The following NUP54 variants were observed in gnomAD, a reference collection of about 807,000 sequenced individuals.
The protein encoded by NUP54 is nucleoporin p54.
NUP54 carries 27 observed loss-of-function variants against 66.4 expected under a neutral mutation model. The ratio of observed to expected loss-of-function variants is 0.41; its 90% CI spans 0.30 to 0.56. The LOEUF is 0.56. Ranked by LOEUF, NUP54 falls within the 20% of genes least tolerant of loss-of-function variation. The probability of loss-of-function intolerance (pLI) is 0.34; values close to 1 mark genes in which losing one functional copy is unlikely to be tolerated. For synonymous variants in NUP54, 206 were observed against 210.7 expected (o/e 0.98, Z 0.19); for missense variants, 486 against 596.3 (o/e 0.82, Z 1.93).
rs374383209 is a variant in NUP54 at position 76,124,759 on chromosome 4, G to A, written c.1057-3C>T. The A allele has an allele frequency of 8.3e-6, 5 of 604,214 alleles. No individual in the cohort carries two copies. The highest frequency in any genetic ancestry group is 7.1e-5 in the African/African-American group (3 of 42,538). 37.4% of individuals were successfully genotyped at this position (604,214 alleles called of 1,614,324 possible). A position where few individuals can be genotyped will look rare whatever the true frequency, so the allele number is the denominator to read the frequency against. ...TCACTAATATCTTCAGATATGATCT[G>A]TTTAAAAAAAAATTGGGGGGGGGAG... On this transcript the variant is annotated splice_polypyrimidine_tract_variant and splice_region_variant and intron_variant, in intron 8 of 11. Transcript: ENST00000264883.
chr4:76,116,855 T>G (rs1729973884), intron 11 of NUP54, among the ~76,000 whole-genome samples: 1 of 152,204 alleles, frequency 6.6e-6, no homozygotes, highest in Non-Finnish European at 1.5e-5. Context: ...GAAACTTTAG[T>G]GTCTCTACTA....
At chr4:76,125,794 G>GGA (rs1426789974) in intron 8 of NUP54, among the ~76,000 whole-genome samples, 5 of 36,948 alleles carry the variant, frequency 1.4e-4, no homozygotes, top group Non-Finnish European at 2.1e-4. Context: ...GGGGAGAGAG[G>GGA]GAGAGGGAGA....
intron 11 of NUP54, among the ~76,000 whole-genome samples, chr4:76,115,911 T>G (rs1184647275): frequency 6.6e-6 from 1 of 152,190 alleles, no homozygotes; most frequent in African/African-American, 2.4e-5. Context: ...TGACTACAGA[T>G]GCTAACATTT....
intron 1 of NUP54, 162 bp downstream of exon 1, chr4:76,148,146 C>T: frequency 3.9e-6 from 2 of 517,216 alleles, no homozygotes; most frequent in Non-Finnish European, 3.2e-6. Context: ...TCCTCGGGTG[C>T]CGCCTCGGCC....
chr4:76,125,814 A>G (rs1578674241), intron 8 of NUP54, among the ~76,000 whole-genome samples: 1 of 29,872 alleles, frequency 3.3e-5, no homozygotes, highest in African/African-American at 1.6e-4. Flanking sequence ...AGAGAGGGAG[A>G]AGAGGGAGAA....
At chr4:76,139,487 G>C (rs1408476596) in intron 3 of NUP54, among the ~76,000 whole-genome samples, 1 of 152,144 alleles carries the variant, frequency 6.6e-6, no homozygotes, top group African/African-American at 2.4e-5. Flanking sequence ...CATTTAACAA[G>C]ACAACTGGAA....
intron 3 of NUP54, among the ~76,000 whole-genome samples, chr4:76,140,002 T>C (rs1731196745): frequency 6.6e-6 from 1 of 151,286 alleles, no homozygotes; most frequent in African/African-American, 2.4e-5. Context: ...GGGAGGAGAG[T>C]GGTAGCTGAA....
chr4:76,133,328 C>T (rs1730894889), intron 5 of NUP54, among the ~76,000 whole-genome samples: 2 of 148,932 alleles, frequency 1.3e-5, no homozygotes, highest in South Asian at 2.1e-4. Context: ...TTTTTTGAGA[C>T]GGAGTCTCTC....
At chr4:76,119,515 C>G (rs1174755433) in intron 9 of NUP54, among the ~76,000 whole-genome samples, 2 of 151,166 alleles carry the variant, frequency 1.3e-5, no homozygotes. Flanking sequence ...TACAGGTGCT[C>G]ACCACCATGC....
chr4:76,132,748 T>C, intron 5 of NUP54, 29 bp from the exon 6 acceptor site: 1 of 1,559,026 alleles, frequency 6.4e-7, no homozygotes, highest in Non-Finnish European at 8.8e-7. Flanking sequence ...ATTTATAAAA[T>C]ATGGAGCACA....
rs1260409700 is a variant in NUP54 at position 76,115,377 on chromosome 4, C to T, written c.1513G>A (p.Val505Ile). 6.9e-6 allele frequency: 11 copies of T among 1,595,912 alleles called. No homozygotes were observed. The highest frequency in any genetic ancestry group is 9.4e-6 in the Non-Finnish European group (11 of 1,173,464). Residue 505 changes from valine (V) to isoleucine (I), a missense_variant, in exon 12 of 12, where the codon GTC becomes ATC. By Grantham distance (29) the Val-to-Ile change is conservative. Transcript: ENST00000264883. ...LNETIHIRGG[V>I]FS ...AAGTTTGTGAACTGTCAACTAAAGA[C>T]ACCACCTCTGATGTGGATGGTTTCA...
At chr4:76,119,432 G>A (rs1730127485) in intron 9 of NUP54, among the ~76,000 whole-genome samples, 1 of 151,884 alleles carries the variant, frequency 6.6e-6, no homozygotes, top group Non-Finnish European at 1.5e-5. Context: ...CCAGGCTGGA[G>A]GGCAGCTCAA....
chr4:76,118,677 T>A (rs1168254275), intron 9 of NUP54, among the ~76,000 whole-genome samples: 1 of 151,012 alleles, frequency 6.6e-6, no homozygotes, highest in African/African-American at 2.4e-5. Context: ...TTTACAGGTG[T>A]GAGCCACTTT....
intron 1 of NUP54, chr4:76,147,372 C>A: frequency 1.6e-6 from 1 of 625,468 alleles, no homozygotes; most frequent in East Asian, 7.2e-5. Flanking sequence ...AAATAAATTT[C>A]CTTTCCCTAT....
intron 5 of NUP54, 69 bp from the exon 6 acceptor site, chr4:76,132,788 A>C: frequency 1.3e-4 from 141 of 1,119,816 alleles, no homozygotes; most frequent in Non-Finnish European, 1.7e-4. Context: ...TCAGCATATC[A>C]TAGCATGTGA....
intron 9 of NUP54, among the ~76,000 whole-genome samples, chr4:76,121,597 T>C (rs557579096): frequency 1.9e-4 from 29 of 152,218 alleles, no homozygotes; most frequent in Non-Finnish European, 2.8e-4. Flanking sequence ...TCTGAGTAGC[T>C]GTGACTATAG....
intron 6 of NUP54, 45 bp from the exon 7 acceptor site, chr4:76,131,329 T>G (rs1730793779): frequency 1.7e-6 from 2 of 1,203,504 alleles, no homozygotes; most frequent in African/African-American, 1.6e-5. Flanking sequence ...TTTTCTATTT[T>G]TATAATATGT....
At chr4:76,128,408 A>G (rs1377064982) in intron 8 of NUP54, among the ~76,000 whole-genome samples, 1 of 152,048 alleles carries the variant, frequency 6.6e-6, no homozygotes, top group African/African-American at 2.4e-5. Flanking sequence ...AAAAAAAAAA[A>G]AAGTCCAAAT....
chr4:76,131,303 A>G lies in NUP54; in HGVS notation c.908-19T>C. On this transcript the variant is annotated intron_variant, in intron 6 of 11. Coordinates refer to ENST00000264883, the MANE Select transcript of NUP54 (RefSeq NM_017426.4). The stretch of plus-strand genomic sequence containing the variant: ...TCAACACCTACCACAAATAAAAAAT[A>G]TTTTTTCTAAAACAATTTTCTATTT... 1 of 1,518,142 alleles carries G rather than the reference A, an allele frequency of 6.6e-7. No individual in the cohort carries two copies. The highest frequency in any genetic ancestry group is 9.0e-7 in the Non-Finnish European group (1 of 1,110,400). The allele number at this position is 1,518,142 out of a possible 1,614,324, so 94.0% of individuals were successfully genotyped here.
Sources: allele counts gnomAD v4.1 joint callset (sites outside exome capture counted in the v4.1 genomes callset), GRCh38; gene constraint gnomAD v4.1.1; transcripts MANE v1.5; gene names NCBI Gene and HGNC (gene_info 2026-07-23, HGNC 2026-07-21).